The following ZNF470 variants were observed in gnomAD, a reference collection of about 807,000 sequenced individuals.
The protein encoded by ZNF470 is zinc finger protein 470, also known as chondrogenesis zinc finger protein 1.
A neutral mutation model predicts 13.9 loss-of-function variants in ZNF470; 13 were observed. The observed-to-expected ratio is 0.94, with a 90% CI of 0.61 to 1.49. The LOEUF (loss-of-function observed/expected upper bound fraction) is 1.49, where lower values mean the gene tolerates loss of function less well. Among genes scored for constraint, ZNF470 ranks in the 40% most tolerant of loss-of-function variants. The pLI, the probability that ZNF470 is intolerant of heterozygous loss-of-function variation, is 0.00. For missense variants in ZNF470, 929 were observed against 857.3 expected (o/e 1.08, Z -1.04); for synonymous variants, 293 against 282.9 (o/e 1.04, Z -0.36).
chr19:56,576,989 C>G lies in ZNF470; in HGVS notation c.560C>G (p.Ser187Cys). 1 of 1,588,138 alleles carries G rather than the reference C, an allele frequency of 6.3e-7. No homozygotes were observed. Among genetic ancestry groups the G allele is most frequent in the Non-Finnish European group, 8.5e-7 (1 of 1,172,072 alleles). ...SGTVFHLNTLSYIKQIFPMEE... is the reference protein window; with the variant it reads ...SGTVFHLNTLCYIKQIFPMEE... ...ACAGTTTTTCATCTGAATACATTAT[C>G]TTATATAAAACAGATTTTTCCCATG... The change falls in exon 6 of 6, where the codon TCT (serine) becomes TGT (cysteine). Residue 187 changes from serine (S) to cysteine (C), a missense_variant. By Grantham distance (112) the Ser-to-Cys change is moderately radical. Transcript: ENST00000330619.
chr19:56,567,982 AG>A lies in ZNF470; in HGVS notation c.-212del, dbSNP rs2044423674. ...ATCTGGAAGGGGCAGAGCCCAGGAC[AG>A]GGCTCCATGTCCACAGGACGGCGAG... On this transcript the variant is annotated 5_prime_UTR_variant, in exon 1 of 6. Transcript: ENST00000330619. 11 of 985,668 alleles carry A rather than the reference AG, an allele frequency of 1.1e-5. No individual in the cohort carries two copies. The African/African-American group carries it at 1.7e-4, about 16-fold the overall frequency. The allele number at this position is 985,668 out of a possible 1,614,324, so 61.1% of individuals were successfully genotyped here. A position where few individuals can be genotyped will look rare whatever the true frequency, so the allele number is the denominator to read the frequency against.
rs149361188 is a variant in ZNF470, at chr19:56,574,651, T to C, written c.201T>C (p.Ser67=). 164 of 1,613,576 alleles carry C rather than the reference T, an allele frequency of 1.0e-4. No homozygotes were observed. The highest frequency in any genetic ancestry group is 1.3e-4 in the Non-Finnish European group (158 of 1,179,786). ...RNLVSVGLCI[S]KPDVISLLEQ... ...TTTTACATGCAGGTCTTTGCATTTC[T>C]AAACCAGATGTGATCTCCTTACTGG... is the stretch of plus-strand genomic sequence containing the variant. Residue 67 remains serine (S), a synonymous_variant, in exon 5 of 6, where the codon TCT becomes TCC. Coordinates refer to ENST00000330619, the MANE Select transcript of ZNF470 (RefSeq NM_001001668.4).
chr19:56,574,333 C>T (rs369707521), intron 3 of ZNF470, 61 bp from the exon 4 acceptor site: 12 of 1,610,588 alleles, frequency 7.5e-6, no homozygotes, highest in African/African-American at 5.3e-5. Context: ...TAACTCTTTA[C>T]CCTAGAGCTG....
At chr19:56,575,311 T>G (rs2147984847) in intron 5 of ZNF470, among the ~76,000 whole-genome samples, 1 of 152,192 alleles carries the variant, frequency 6.6e-6, no homozygotes, top group African/African-American at 2.4e-5. Context: ...TTTTTCTGCT[T>G]GGTATTCCAA....
At position 56,580,736 on chromosome 19, in the gene ZNF470, C is replaced by T; in HGVS notation, c.*2153C>T. Reference sequence around the variant, plus strand: ...GCTAGAAAATGGAGTTTGGGGCTCCCTCTTCACTTCTGCTGATAGAAGCAT... The same window carrying T: ...GCTAGAAAATGGAGTTTGGGGCTCCTTCTTCACTTCTGCTGATAGAAGCAT... On this transcript the variant is annotated 3_prime_UTR_variant, in exon 6 of 6. Transcript: ENST00000330619. 3.4e-6 allele frequency: 2 copies of T among 582,470 alleles called. No individual in the cohort carries two copies. The highest frequency in any genetic ancestry group is 2.2e-6 in the Non-Finnish European group (1 of 462,310). The allele number at this position is 582,470 out of a possible 1,614,324, so 36.1% of individuals were successfully genotyped here.
chr19:56,574,792 G>A (rs2044478165), intron 5 of ZNF470, 59 bp downstream of exon 5: 3 of 1,490,634 alleles, frequency 2.0e-6, no homozygotes, highest in Non-Finnish European at 2.7e-6. Context: ...TGTCTCTGAA[G>A]TGTGTTGGAA....
Position 56,578,207 on chromosome 19 carries a change from A to T in ZNF470, c.1778A>T (p.Tyr593Phe). The T allele has an allele frequency of 6.2e-7, 1 of 1,614,074 alleles. No individual in the cohort carries two copies. The part of the protein sequence containing the change: ...HQRLHSGKRP[Y>F]ECLECGKAFR... ...AGACTCCACAGTGGCAAAAGACCGT[A>T]TGAATGTCTTGAATGTGGGAAGGCA... The change falls in exon 6 of 6, where the codon TAT becomes TTT. Residue 593 changes from tyrosine to phenylalanine, a missense_variant. By Grantham distance (22) the Tyr-to-Phe change is conservative (BLOSUM62 3). Coordinates refer to ENST00000330619, the MANE Select transcript of ZNF470 (RefSeq NM_001001668.4).
At chr19:56,574,373 A>G (rs1045423297) in intron 3 of ZNF470, 21 bp from the exon 4 acceptor site, 1 of 1,613,412 alleles carries the variant, frequency 6.2e-7, no homozygotes, top group African/African-American at 1.3e-5. Flanking sequence ...AGTGAGCAAG[A>G]TCATATTTGT....
In ZNF470 at chr19:56,578,289, T is replaced by G; in HGVS notation, c.1860T>G (p.Pro620=). ...CHQRCHTGEK[P]YECNVCGKAF... ...AGAGATGTCATACTGGTGAGAAACC[T>G]TATGAATGTAATGTTTGTGGGAAAG... The change falls in exon 6 of 6, where the codon CCT becomes CCG. Residue 620 remains proline (P), a synonymous_variant. Coordinates refer to ENST00000330619, the MANE Select transcript of ZNF470 (RefSeq NM_001001668.4). 1 of 1,613,232 alleles carries G rather than the reference T, an allele frequency of 6.2e-7. No individual in the cohort carries two copies. Among genetic ancestry groups the G allele is most frequent in the Admixed American group, 1.7e-5 (1 of 59,942 alleles).
chr19:56,579,788 G>C lies in ZNF470; in HGVS notation c.*1205G>C. 9.6e-6 allele frequency: 9 copies of C among 935,676 alleles called. No individual in the cohort carries two copies. Among genetic ancestry groups the C allele is most frequent in the Non-Finnish European group, 1.0e-5 (8 of 784,762 alleles). The allele number at this position is 935,676 out of a possible 1,614,324, so 58.0% of individuals were successfully genotyped here. On this transcript the variant is annotated 3_prime_UTR_variant, in exon 6 of 6. Transcript: ENST00000330619. ...AGACATGCCTCTGTATAGAAAATCT[G>C]ATAAAAATATTTCTCCCTAAATTGT... is the stretch of plus-strand genomic sequence containing the variant.
intron 3 of ZNF470, among the ~76,000 whole-genome samples, chr19:56,572,293 C>CAGG (rs2044457214): frequency 9.0e-6 from 1 of 111,692 alleles, no homozygotes; most frequent in African/African-American, 4.0e-5. Flanking sequence ...TACCTGAGGC[C>CAGG]AGGAGTTCAA....
Position 56,578,268 on chromosome 19 carries a change from A to G in ZNF470, c.1839A>G (p.Arg613=), listed in dbSNP as rs1600569952. Residue 613 remains arginine, a synonymous_variant, in exon 6 of 6, where the codon AGA becomes AGG. Transcript: ENST00000330619. ...RQRASLICHQ[R]CHTGEKPYEC... ...GGGCATCCTTGATTTGTCATCAGAG[A>G]TGTCATACTGGTGAGAAACCTTATG... 2 of 1,613,702 alleles carry G rather than the reference A, an allele frequency of 1.2e-6. No homozygotes were observed. Among genetic ancestry groups the G allele is most frequent in the African/African-American group, 1.3e-5 (1 of 75,030 alleles).
Position 56,582,311 on chromosome 19 carries a change from G to A in ZNF470, c.*3728G>A. The A allele has an allele frequency of 1.0e-6, 1 of 985,268 alleles. No individual in the cohort carries two copies. Among genetic ancestry groups the A allele is most frequent in the Non-Finnish European group, 1.2e-6 (1 of 829,906 alleles). 61.0% of individuals were successfully genotyped at this position (985,268 alleles called of 1,614,324 possible). A position where few individuals can be genotyped will look rare whatever the true frequency, so the allele number is the denominator to read the frequency against. ...ATCTAACTGCTTGGAATAACTTAAA[G>A]TTTAGCTCTTGAATTTCTAGCATTA... On this transcript the variant is annotated 3_prime_UTR_variant, in exon 6 of 6. Transcript: ENST00000330619.
At position 56,578,787 on chromosome 19, in the gene ZNF470, T is replaced by C; in HGVS notation, c.*204T>C. ...ATACATAATTTATGTTATTTTCCCA[T>C]TTAAAACACTTGATTTGAAAAATAT... On this transcript the variant is annotated 3_prime_UTR_variant, in exon 6 of 6. Coordinates refer to ENST00000330619, the MANE Select transcript of ZNF470 (RefSeq NM_001001668.4). 1 of 1,235,056 alleles carries C rather than the reference T, an allele frequency of 8.1e-7. No homozygotes were observed. The highest frequency in any genetic ancestry group is 1.0e-6 in the Non-Finnish European group (1 of 985,166). The allele number at this position is 1,235,056 out of a possible 1,614,324, so 76.5% of individuals were successfully genotyped here. A position where few individuals can be genotyped will look rare whatever the true frequency, so the allele number is the denominator to read the frequency against.
Position 56,582,125 on chromosome 19 carries a change from G to A in ZNF470, c.*3542G>A. 2 of 985,384 alleles carry A rather than the reference G, an allele frequency of 2.0e-6. No homozygotes were observed. The highest frequency in any genetic ancestry group is 2.4e-6 in the Non-Finnish European group (2 of 829,916). The allele number at this position is 985,384 out of a possible 1,614,324, so 61.0% of individuals were successfully genotyped here. On this transcript the variant is annotated 3_prime_UTR_variant, in exon 6 of 6. Coordinates refer to ENST00000330619, the MANE Select transcript of ZNF470 (RefSeq NM_001001668.4). Reference sequence around the variant, plus strand: ...TTTTTGGATGAGATGGGGCGAATAAGACTTATATTCTAGACTGGAAAGCAT... The same window carrying A: ...TTTTTGGATGAGATGGGGCGAATAAAACTTATATTCTAGACTGGAAAGCAT...
rs941941595 is a variant in ZNF470, at chr19:56,567,828, C to T, written c.-369C>T. ...CTTTAAGTGGCCAAGAGCAGGAAAC[C>T]CGGCCGGAGGAGGCTTACCCCGTTC... On this transcript the variant is annotated 5_prime_UTR_variant, in exon 1 of 6. Transcript: ENST00000330619. The T allele has an allele frequency of 1.0e-6, 1 of 986,116 alleles. No homozygotes were observed. The highest frequency in any genetic ancestry group is 1.7e-5 in the African/African-American group (1 of 57,210). The allele number at this position is 986,116 out of a possible 1,614,324, so 61.1% of individuals were successfully genotyped here.
At chr19:56,573,531 C>A (rs916225590) in intron 3 of ZNF470, among the ~76,000 whole-genome samples, 2 of 152,240 alleles carry the variant, frequency 1.3e-5, no homozygotes, top group Non-Finnish European at 2.9e-5. Context: ...CTCCCAGTAA[C>A]AGTCCAGTGG....
rs752468423 is a variant in ZNF470, at chr19:56,578,166, T to A, written c.1737T>A (p.Tyr579Ter). The A allele has an allele frequency of 6.2e-7, 1 of 1,613,906 alleles. No homozygotes were observed. The highest frequency in any genetic ancestry group is 8.5e-7 in the Non-Finnish European group (1 of 1,179,966). Reference sequence around the variant, plus strand: ...GGAAGGCCTTTAGTGATGGCTCATATCTTGTTCAACATCAGAGACTCCACA... The same window carrying A: ...GGAAGGCCTTTAGTGATGGCTCATAACTTGTTCAACATCAGAGACTCCACA... Reference protein sequence around the residue: ...ECGKAFSDGSYLVQHQRLHSG... With the variant: ...ECGKAFSDGS The change falls in exon 6 of 6, where the codon TAT (tyrosine) becomes TAA (stop). Residue 579 changes from tyrosine to a stop codon, truncating the protein, a stop_gained. Coordinates refer to ENST00000330619, the MANE Select transcript of ZNF470 (RefSeq NM_001001668.4). LOFTEE classifies it low-confidence loss of function (END_TRUNC).
chr19:56,576,084 TA>T (rs2044486698), intron 5 of ZNF470, among the ~76,000 whole-genome samples: 1 of 152,086 alleles, frequency 6.6e-6, no homozygotes, highest in African/African-American at 2.4e-5. Flanking sequence ...AAAATAATTA[TA>T]AATAACCACA....
Sources: allele counts gnomAD v4.1 joint callset (sites outside exome capture counted in the v4.1 genomes callset), GRCh38; gene constraint gnomAD v4.1.1; transcripts MANE v1.5; gene names NCBI Gene and HGNC (gene_info 2026-07-23, HGNC 2026-07-21).